The following CA1 variants were observed in gnomAD, a reference collection of about 807,000 sequenced individuals.
CA1 encodes carbonic anhydrase 1, also known as carbonate dehydratase I.
Under a neutral mutation model 28.8 loss-of-function variants are expected in CA1, and 27 were observed. The observed-to-expected ratio is 0.94, with a 90% CI of 0.69 to 1.29. The LOEUF is 1.29. Among genes scored for constraint, CA1 ranks in the 50% most tolerant of loss-of-function variants. The probability of loss-of-function intolerance (pLI) is 0.00; values close to 1 mark genes in which losing one functional copy is unlikely to be tolerated. For synonymous variants in CA1, 121 were observed against 108.8 expected, an observed-to-expected ratio of 1.11 and a Z score of -0.70; for missense variants, 335 against 310.5, an observed-to-expected ratio of 1.08 and a Z score of -0.59.
chr8:85,349,538 C>G (rs1443864020), intron 1 of CA1, among the ~76,000 whole-genome samples: 4 of 151,958 alleles, frequency 2.6e-5, no homozygotes, highest in Admixed American at 2.0e-4. Flanking sequence ...TAAAACAGAC[C>G]CTATAACTTT....
At chr8:85,337,993 G>A in intron 3 of CA1, 1 of 613,316 alleles carries the variant, frequency 1.6e-6, no homozygotes, top group South Asian at 1.6e-5. Context: ...AGTGAAGTGA[G>A]CATACAGATA....
chr8:85,376,614 A>G (rs1466822887), intron 1 of CA1, among the ~76,000 whole-genome samples: 1 of 151,916 alleles, frequency 6.6e-6, no homozygotes. Flanking sequence ...GTGAGCTGAG[A>G]TCACACCACT....
intron 5 of CA1, 45 bp from the exon 6 acceptor site, chr8:85,332,597 A>G (rs541904653): frequency 2.3e-5 from 32 of 1,382,346 alleles, no homozygotes; most frequent in Admixed American, 6.7e-5. Flanking sequence ...ATTATTATCA[A>G]TCGAACACTG....
chr8:85,367,790 A>G (rs1264333669), intron 1 of CA1, among the ~76,000 whole-genome samples: 1 of 152,212 alleles, frequency 6.6e-6, no homozygotes, highest in Non-Finnish European at 1.5e-5. Context: ...AAGAATAGGA[A>G]TAAAGGCAAG....
At chr8:85,334,913 C>G (rs1343014316) in intron 4 of CA1, among the ~76,000 whole-genome samples, 1 of 152,048 alleles carries the variant, frequency 6.6e-6, no homozygotes, top group Non-Finnish European at 1.5e-5. Context: ...TCACTTGAAC[C>G]TGAGAGGAGG....
intron 5 of CA1, 140 bp from the exon 6 acceptor site, chr8:85,332,692 C>T: frequency 1.5e-6 from 1 of 678,106 alleles, no homozygotes; most frequent in Non-Finnish European, 2.7e-6. Flanking sequence ...GGAGATTTTT[C>T]AAGCTGTATG....
chr8:85,349,891 A>T (rs1809339284), intron 1 of CA1: 1 of 152,206 alleles, frequency 6.6e-6, no homozygotes, highest in Non-Finnish European at 1.5e-5. Context: ...TATTTCTAGA[A>T]TAGGGAGGAG....
In CA1 at chr8:85,349,538, C is replaced by T. The variant is rs1443864020; in HGVS notation, c.-24-7879G>A. On this transcript the variant is annotated intron_variant, in intron 1 of 7. Transcript: ENST00000523022. ...TCATTGTAGTTTCCCTAAAACAGAC[C>T]CTATAACTTTGGCTTGATTTTGTCC... Among the ~76,000 whole-genome samples, 5 of 151,956 alleles carry T rather than the reference C, an allele frequency of 3.3e-5. No individual in the cohort carries two copies. In the East Asian group the frequency reaches 9.6e-4, roughly 29 times the overall value.
chr8:85,331,481 G>A (rs949949458), intron 6 of CA1, among the ~76,000 whole-genome samples: 10 of 151,482 alleles, frequency 6.6e-5, no homozygotes, highest in African/African-American at 2.4e-4. Flanking sequence ...ATTTAAGATG[G>A]AGTCTCACTC....
intron 1 of CA1, among the ~76,000 whole-genome samples, chr8:85,374,091 A>G (rs946268929): frequency 1.3e-5 from 2 of 152,198 alleles, no homozygotes; most frequent in Non-Finnish European, 2.9e-5. Flanking sequence ...ATTTAATTTT[A>G]CCACAAAAAG....
chr8:85,375,425 C>T (rs1002048481), intron 1 of CA1, among the ~76,000 whole-genome samples: 3 of 152,064 alleles, frequency 2.0e-5, no homozygotes, highest in African/African-American at 7.2e-5. Context: ...CAGCACAGCT[C>T]TGCCCAACTA....
At chr8:85,329,210 C>G (rs1808296038) in intron 7 of CA1, among the ~76,000 whole-genome samples, 1 of 152,136 alleles carries the variant, frequency 6.6e-6, no homozygotes, top group Non-Finnish European at 1.5e-5. Flanking sequence ...ACGTAATAAA[C>G]ATGGTAGAGC....
At chr8:85,369,605 A>C (rs1482298617) in intron 1 of CA1, among the ~76,000 whole-genome samples, 2 of 152,164 alleles carry the variant, frequency 1.3e-5, no homozygotes, top group African/African-American at 4.8e-5. Context: ...GTTTAGCCAG[A>C]GCAGCTTCCC....
intron 1 of CA1, among the ~76,000 whole-genome samples, chr8:85,350,898 T>C (rs1211532604): frequency 6.6e-6 from 1 of 152,218 alleles, no homozygotes; most frequent in African/African-American, 2.4e-5. Context: ...CAATTCCTCC[T>C]ATTGGTAATT....
chr8:85,367,085 GAC>G (rs1181294376), intron 1 of CA1, among the ~76,000 whole-genome samples: 12 of 151,824 alleles, frequency 7.9e-5, no homozygotes, highest in South Asian at 6.3e-4. Context: ...GAATTTCAGA[GAC>G]AGATTATAGA....
At chr8:85,347,645 C>G (rs1318940670) in intron 1 of CA1, among the ~76,000 whole-genome samples, 2 of 152,166 alleles carry the variant, frequency 1.3e-5, no homozygotes, top group African/African-American at 4.8e-5. Flanking sequence ...TTCAGTGGGG[C>G]TTAGACCTCA....
At chr8:85,360,895 C>T (rs1024982953) in intron 1 of CA1, among the ~76,000 whole-genome samples, 1 of 152,286 alleles carries the variant, frequency 6.6e-6, no homozygotes, top group East Asian at 1.9e-4. Flanking sequence ...TAATTTAAAT[C>T]ATCTACTTGT....
chr8:85,341,777 C>A (rs1006617317), intron 1 of CA1, 118 bp from the exon 2 acceptor site: 4 of 658,372 alleles, frequency 6.1e-6, no homozygotes, highest in Admixed American at 2.3e-5. Flanking sequence ...GCCATTATTT[C>A]ATCATCTCTG....
At chr8:85,361,534 G>A (rs1342609348) in intron 1 of CA1, among the ~76,000 whole-genome samples, 1 of 151,862 alleles carries the variant, frequency 6.6e-6, no homozygotes, top group African/African-American at 2.4e-5. Flanking sequence ...CAAGTTAGCC[G>A]GGCATGGTGG....
Sources: gnomAD v4.1 joint callset for allele counts (sites outside exome capture counted in the v4.1 genomes callset) on GRCh38, gnomAD v4.1.1 for gene constraint, MANE v1.5 for transcripts, NCBI Gene and HGNC (gene_info 2026-07-23, HGNC 2026-07-21) for gene names.